Variants in LRMDA observed in about 807,000 individuals in gnomAD.
LRMDA encodes the protein leucine rich melanocyte differentiation associated, also known as leucine-rich melanocyte differentiation-associated protein.
In LRMDA, 18 loss-of-function variants were observed where a neutral mutation model predicts 29.8. The observed-to-expected ratio is 0.60, with a 90% CI of 0.42 to 0.90. LRMDA has a LOEUF of 0.90. Ranked by LOEUF, LRMDA falls within the 40% of genes least tolerant of loss-of-function variation. The pLI, the probability that LRMDA is intolerant of heterozygous loss-of-function variation, is 0.00. For synonymous variants in LRMDA, 125 were observed against 109.4 expected (o/e 1.14, Z -0.89); for missense variants, 273 against 273.9 (o/e 1.00, Z 0.02).
At chr10:75,846,177 T>TGTG (rs1844633347) in intron 2 of LRMDA, among the ~76,000 whole-genome samples, 20 of 143,082 alleles carry the variant, frequency 1.4e-4, no homozygotes, top group African/African-American at 4.0e-4. Context: ...GTGTGTGTGT[T>TGTG]TGTGTGTGTG....
chr10:76,434,441 G>C (rs952781639), intron 6 of LRMDA, among the ~76,000 whole-genome samples: 7 of 151,622 alleles, frequency 4.6e-5, no homozygotes, highest in African/African-American at 1.5e-4. Context: ...GCTGAAACAT[G>C]ATTGCTTCTT....
chr10:75,575,055 A>AAGAG (rs1840485845), intron 2 of LRMDA, among the ~76,000 whole-genome samples: 2 of 152,136 alleles, frequency 1.3e-5, no homozygotes, highest in Non-Finnish European at 1.5e-5. Context: ...AAGCAGGAGG[A>AAGAG]AGAGAGAGAA....
chr10:75,645,972 T>A lies in LRMDA; in HGVS notation c.131+207478T>A, dbSNP rs75996310. On this transcript the variant is annotated intron_variant, in intron 2 of 6. Transcript: ENST00000611255. The stretch of plus-strand genomic sequence containing the variant: ...CTTTTCCTTGTTCCCTGTCTTTTTT[T>A]TCCTGCTCCTTTCCTGCCGTGATAT... Among the ~76,000 whole-genome samples, 627 of 152,198 alleles carry A rather than the reference T, an allele frequency of 4.1e-3. 15 individuals are homozygous for A. The highest frequency in any genetic ancestry group is 0.037 in the Admixed American group (573 of 15,290).
At chr10:76,254,340 C>CTATACTATACT (rs1564701488) in intron 5 of LRMDA, among the ~76,000 whole-genome samples, 73 of 90,196 alleles carry the variant, frequency 8.1e-4, no homozygotes, top group Middle Eastern at 6.3e-3. Flanking sequence ...CATACCATAC[C>CTATACTATACT]ATCCTATCCT....
intron 2 of LRMDA, among the ~76,000 whole-genome samples, chr10:75,869,212 TC>T (rs1466998306): frequency 1.3e-5 from 2 of 152,174 alleles, no homozygotes; most frequent in African/African-American, 4.8e-5. Flanking sequence ...AACATTTTAA[TC>T]CCCATTTGAC....
At chr10:75,710,679 C>A (rs1486697811) in intron 2 of LRMDA, among the ~76,000 whole-genome samples, 1 of 152,198 alleles carries the variant, frequency 6.6e-6, no homozygotes, top group South Asian at 2.1e-4. Context: ...ACAAAAGGAA[C>A]GAAAAGTGAG....
At chr10:75,867,042 G>A (rs556770995) in intron 2 of LRMDA, among the ~76,000 whole-genome samples, 10 of 152,174 alleles carry the variant, frequency 6.6e-5, no homozygotes, top group Non-Finnish European at 1.3e-4. Flanking sequence ...ATGATGGTTT[G>A]GGGCTGGTGA....
intron 5 of LRMDA, among the ~76,000 whole-genome samples, chr10:76,160,929 C>G (rs749651288): frequency 6.6e-6 from 1 of 152,150 alleles, no homozygotes; most frequent in Non-Finnish European, 1.5e-5. Context: ...CATGTCAAAG[C>G]AACCAAGCCA....
intron 6 of LRMDA, among the ~76,000 whole-genome samples, chr10:76,479,814 C>T (rs1589209245): frequency 6.6e-6 from 1 of 151,956 alleles, no homozygotes; most frequent in Non-Finnish European, 1.5e-5. Flanking sequence ...ATAATATACC[C>T]TATATGAGCC....
At chr10:76,041,812 C>G (rs1848345077) in intron 3 of LRMDA, among the ~76,000 whole-genome samples, 1 of 152,174 alleles carries the variant, frequency 6.6e-6, no homozygotes, top group Non-Finnish European at 1.5e-5. Context: ...AAAAAAATCT[C>G]AACGCTAAGT....
At chr10:75,929,134 C>T (rs959304909) in intron 2 of LRMDA, among the ~76,000 whole-genome samples, 3 of 152,088 alleles carry the variant, frequency 2.0e-5, no homozygotes, top group Admixed American at 6.5e-5. Flanking sequence ...GAAAGGACCT[C>T]GGGGTCCAGG....
At chr10:75,631,095 T>G in intron 2 of LRMDA, among the ~76,000 whole-genome samples, 1 of 152,206 alleles carries the variant, frequency 6.6e-6, no homozygotes, top group East Asian at 1.9e-4. Flanking sequence ...GCCTTTACCT[T>G]GTGACTTTCC....
intron 2 of LRMDA, among the ~76,000 whole-genome samples, chr10:75,454,086 T>C (rs993709943): frequency 6.6e-6 from 1 of 152,142 alleles, no homozygotes; most frequent in African/African-American, 2.4e-5. Flanking sequence ...CAGCAAGGAC[T>C]GCCTGCCTGG....
intron 6 of LRMDA, among the ~76,000 whole-genome samples, chr10:76,404,004 G>A (rs532538216): frequency 6.6e-6 from 1 of 152,094 alleles, no homozygotes; most frequent in African/African-American, 2.4e-5. Context: ...CCAGGGAAGA[G>A]GCTCAGTTCC....
At chr10:75,814,006 A>G (rs575669603) in intron 2 of LRMDA, among the ~76,000 whole-genome samples, 1 of 152,350 alleles carries the variant, frequency 6.6e-6, no homozygotes, top group South Asian at 2.1e-4. Context: ...AAGCATTGTA[A>G]TTCTTGAATT....
intron 5 of LRMDA, among the ~76,000 whole-genome samples, chr10:76,076,862 A>G (rs1374038933): frequency 1.3e-5 from 2 of 152,200 alleles, no homozygotes; most frequent in Non-Finnish European, 2.9e-5. Flanking sequence ...ATAGCCAGGA[A>G]TAGAAAGAAC....
At chr10:76,124,821 C>A (rs991530245) in intron 5 of LRMDA, among the ~76,000 whole-genome samples, 1 of 152,210 alleles carries the variant, frequency 6.6e-6, no homozygotes, top group Non-Finnish European at 1.5e-5. Flanking sequence ...CTTTGCCAGC[C>A]GATTCCTTAA....
intron 5 of LRMDA, among the ~76,000 whole-genome samples, chr10:76,110,632 C>T (rs528107552): frequency 2.6e-5 from 4 of 152,258 alleles, no homozygotes; most frequent in Admixed American, 6.5e-5. Context: ...ATGCTCTTCT[C>T]GTGATAGTGA....
chr10:75,750,055 T>C (rs1842936179), intron 2 of LRMDA, among the ~76,000 whole-genome samples: 1 of 152,218 alleles, frequency 6.6e-6, no homozygotes, highest in Non-Finnish European at 1.5e-5. Context: ...AACAATCTGA[T>C]TTCTCTTTCT....
Sources: gnomAD v4.1 joint callset for allele counts (sites outside exome capture counted in the v4.1 genomes callset) on GRCh38, gnomAD v4.1.1 for gene constraint, MANE v1.5 for transcripts, NCBI Gene and HGNC (gene_info 2026-07-23, HGNC 2026-07-21) for gene names.